Variants in ZNF529 observed in about 807,000 individuals in gnomAD.
The protein encoded by ZNF529 is zinc finger protein 529.
A neutral mutation model predicts 10.1 loss-of-function variants in ZNF529; 11 were observed. That is an observed-to-expected ratio of 1.09 (90% CI 0.69 to 1.81). The LOEUF is 1.81. Among genes scored for constraint, ZNF529 ranks in the 40% most tolerant of loss-of-function variants. The pLI, the probability that ZNF529 is intolerant of heterozygous loss-of-function variation, is 0.00. For synonymous variants in ZNF529, 204 were observed against 215.7 expected (o/e 0.95, Z 0.47); for missense variants, 624 against 666.8 (o/e 0.94, Z 0.71).
At chr19:36,587,875 T>G (rs2145262200) in intron 2 of ZNF529, among the ~76,000 whole-genome samples, 1 of 152,244 alleles carries the variant, frequency 6.6e-6, no homozygotes, top group Middle Eastern at 3.4e-3. Context: ...AAGTGACAGC[T>G]AAGGGGAGCT....
chr19:36,567,330 C>G (rs1333115152), intron 2 of ZNF529, among the ~76,000 whole-genome samples: 1 of 152,046 alleles, frequency 6.6e-6, no homozygotes, highest in Non-Finnish European at 1.5e-5. Flanking sequence ...CTTAATAACA[C>G]ATAAAAAAAG....
rs1283826772 is a variant in ZNF529, at chr19:36,555,363, G to A, written c.109-567C>T. 3.4e-4 allele frequency among the ~76,000 whole-genome samples: 9 copies of A among 26,434 alleles called. 3 individuals are homozygous for A. The highest frequency in any genetic ancestry group is 1.5e-3 in the Admixed American group (6 of 3,996). The allele number at this position is 26,434 out of a possible 152,430, so 17.3% of individuals were successfully genotyped here. A position where few individuals can be genotyped will look rare whatever the true frequency, so the allele number is the denominator to read the frequency against. On this transcript the variant is annotated intron_variant, in intron 3 of 4. Coordinates refer to ENST00000591340, the MANE Select transcript of ZNF529 (RefSeq NM_020951.5). ...CTGCGGACTGCAGTGGCGCAATCTC[G>A]GCTCACTGCAAGCTCCGCTTCCCGG...
In ZNF529 at chr19:36,573,243, G is replaced by A; in HGVS notation, c.-150C>T. ...GGCCACCTCACCGCGAGCTCCTCCC[G>A]CAGCCCGGCCCGGGTCACCTCGACT... On this transcript the variant is annotated 5_prime_UTR_variant, in exon 1 of 5. Coordinates refer to ENST00000591340, the MANE Select transcript of ZNF529 (RefSeq NM_020951.5). 3.2e-6 allele frequency: 1 copy of A among 310,894 alleles called. No individual in the cohort carries two copies. Among genetic ancestry groups the A allele is most frequent in the Non-Finnish European group, 6.6e-6 (1 of 150,804 alleles). The allele number at this position is 310,894 out of a possible 1,614,324, so 19.3% of individuals were successfully genotyped here.
intron 2 of ZNF529, among the ~76,000 whole-genome samples, chr19:36,556,804 G>C (rs977693542): frequency 1.3e-5 from 2 of 152,174 alleles, no homozygotes; most frequent in Non-Finnish European, 2.9e-5. Flanking sequence ...TTTTGTCCAG[G>C]GGGAGAAGCA....
chr19:36,567,464 A>C (rs1356109332), intron 2 of ZNF529, among the ~76,000 whole-genome samples: 1 of 151,856 alleles, frequency 6.6e-6, no homozygotes, highest in South Asian at 2.1e-4. Context: ...TTTGAGATGG[A>C]GTCTCACTCT....
At chr19:36,567,309 T>C (rs754390873) in intron 2 of ZNF529, among the ~76,000 whole-genome samples, 1 of 152,052 alleles carries the variant, frequency 6.6e-6, no homozygotes, top group Admixed American at 6.6e-5. Context: ...AAGAATGAAA[T>C]TGCATCACTC....
rs1021987869 is a variant in ZNF529, at chr19:36,573,222, A to C, written c.-129T>G. On this transcript the variant is annotated 5_prime_UTR_variant, in exon 1 of 5. Coordinates refer to ENST00000591340, the MANE Select transcript of ZNF529 (RefSeq NM_020951.5). ...CGACCTCGCCCGGCAGCGCGGGGCC[A>C]CCTCACCGCGAGCTCCTCCCGCAGC... 13 of 321,556 alleles carry C rather than the reference A, an allele frequency of 4.0e-5. No homozygotes were observed. Among genetic ancestry groups the C allele is most frequent in the Non-Finnish European group, 8.2e-5 (13 of 157,734 alleles). 19.9% of individuals were successfully genotyped at this position (321,556 alleles called of 1,614,324 possible). A position where few individuals can be genotyped will look rare whatever the true frequency, so the allele number is the denominator to read the frequency against.
chr19:36,581,345 C>A lies in ZNF529; in HGVS notation c.-41+8270G>T, dbSNP rs568868627. ...AATGTTTTGAAATATGAAAAAGTGA[C>A]AACAGCATATCAAAATTGGAAGGAT... is the stretch of plus-strand genomic sequence containing the variant. On this transcript the variant is annotated intron_variant, in intron 2 of 4. Transcript: ENST00000585960. 2.6e-5 allele frequency: 4 copies of A among 152,108 alleles called. No homozygotes were observed. In the East Asian group the frequency reaches 7.7e-4, roughly 29 times the overall value. The allele number at this position is 152,108 out of a possible 1,614,324, so 9.4% of individuals were successfully genotyped here.
In ZNF529 at chr19:36,544,604, A is replaced by G. The variant is rs1208614392; in HGVS notation, c.*2262T>C. The G allele has an allele frequency of 1.3e-5, 2 of 152,346 alleles. No individual in the cohort carries two copies. The highest frequency in any genetic ancestry group is 3.9e-4 in the East Asian group (2 of 5,186). 9.4% of individuals were successfully genotyped at this position (152,346 alleles called of 1,614,324 possible). A position where few individuals can be genotyped will look rare whatever the true frequency, so the allele number is the denominator to read the frequency against. On this transcript the variant is annotated 3_prime_UTR_variant, in exon 5 of 5. Coordinates refer to ENST00000591340, the MANE Select transcript of ZNF529 (RefSeq NM_020951.5). ...AAATTAGCTGTGTTGTTACATAAAT[A>G]GAATTTAGTTAGAAATAGAGCTACT...
At chr19:36,576,751 A>C (rs1352079182), upstream of ZNF529, among the ~76,000 whole-genome samples, 2 of 150,862 alleles carry the variant, frequency 1.3e-5, no homozygotes. Flanking sequence ...ATAATTGGCT[A>C]TATCACTCAG....
At chr19:36,554,096 T>C (rs570074007) in intron 4 of ZNF529, among the ~76,000 whole-genome samples, 2 of 152,308 alleles carry the variant, frequency 1.3e-5, no homozygotes, top group South Asian at 4.1e-4. Context: ...ACCTGTAATG[T>C]CTCAATGATA....
chr19:36,587,366 G>GT (rs1410948243), intron 2 of ZNF529: 1 of 152,080 alleles, frequency 6.6e-6, no homozygotes, highest in African/African-American at 2.4e-5. Context: ...ATTTTAAAGT[G>GT]TTGGGAAGGA....
intron 1 of ZNF529, among the ~76,000 whole-genome samples, chr19:36,603,474 C>T (rs1028140208): frequency 3.9e-5 from 6 of 152,126 alleles, no homozygotes; most frequent in African/African-American, 1.4e-4. Context: ...ATTCCACATC[C>T]TGAAAAACAA....
intron 2 of ZNF529, among the ~76,000 whole-genome samples, chr19:36,578,917 G>A (rs1334157142): frequency 6.6e-6 from 1 of 150,608 alleles, no homozygotes; most frequent in Non-Finnish European, 1.5e-5. Flanking sequence ...ATTAAATTGT[G>A]TATTTGCGCC....
chr19:36,602,987 G>A (rs924518999), intron 1 of ZNF529, among the ~76,000 whole-genome samples: 1 of 150,516 alleles, frequency 6.6e-6, no homozygotes, highest in African/African-American at 2.4e-5. Context: ...AGAACTAGCT[G>A]GTACCATATA....
chr19:36,577,253 C>A, upstream of ZNF529: 1 of 430,740 alleles, frequency 2.3e-6, no homozygotes, highest in Admixed American at 2.5e-5. Context: ...AACCACCGTG[C>A]CCGGCCCTAC....
At chr19:36,595,265 G>C (rs141497516) in intron 1 of ZNF529, among the ~76,000 whole-genome samples, 3 of 152,304 alleles carry the variant, frequency 2.0e-5, no homozygotes, top group African/African-American at 7.2e-5. Context: ...GAAGAAGAGT[G>C]AATTTATGAC....
Position 36,554,828 on chromosome 19 carries a change from A to C in ZNF529, c.109-32T>G, listed in dbSNP as rs1323705057. On this transcript the variant is annotated intron_variant, in intron 3 of 4. Transcript: ENST00000591340. ...CAACAAACCCGTACATTACAGGTAA[A>C]ATTTAAGGAAATATTTTTGAGAAAA... is the stretch of plus-strand genomic sequence containing the variant. 7.4e-6 allele frequency: 11 copies of C among 1,481,540 alleles called. No individual in the cohort carries two copies. In the South Asian group the frequency reaches 1.5e-4, roughly 20 times the overall value. 91.8% of individuals were successfully genotyped at this position (1,481,540 alleles called of 1,614,324 possible).
upstream of ZNF529, among the ~76,000 whole-genome samples, chr19:36,576,500 C>A (rs1469410987): frequency 1.3e-5 from 2 of 151,960 alleles, no homozygotes; most frequent in African/African-American, 4.8e-5. Context: ...AGGTGGATCA[C>A]GAGGTCAGGA....
Sources: gnomAD v4.1 joint callset for allele counts (sites outside exome capture counted in the v4.1 genomes callset) on GRCh38, gnomAD v4.1.1 for gene constraint, MANE v1.5 for transcripts, NCBI Gene and HGNC (gene_info 2026-07-23, HGNC 2026-07-21) for gene names.